Variants in NOL11 observed in about 807,000 individuals in gnomAD.
NOL11 encodes the protein nucleolar protein 11.
In NOL11, 42 loss-of-function variants were observed where a neutral mutation model predicts 93.0. That is an observed-to-expected ratio of 0.45 (90% confidence interval 0.35 to 0.58). The LOEUF is 0.58. Among genes scored for constraint, NOL11 ranks in the 20% least tolerant of loss-of-function variants. The pLI, the probability that NOL11 is intolerant of heterozygous loss-of-function variation, is 0.00. For synonymous variants in NOL11, 296 were observed against 293.7 expected, an observed-to-expected ratio of 1.01 and a Z score of -0.08; for missense variants, 775 against 841.8, an observed-to-expected ratio of 0.92 and a Z score of 0.98.
intron 7 of NOL11, chr17:67,726,872 T>TA: frequency 2.6e-6 from 1 of 386,404 alleles, no homozygotes; most frequent in Non-Finnish European, 4.6e-6. Flanking sequence ...ACCATGCTCA[T>TA]AACTATGTCA....
chr17:67,732,447 C>A (rs558286605), intron 7 of NOL11, among the ~76,000 whole-genome samples: 1 of 145,060 alleles, frequency 6.9e-6, no homozygotes, highest in African/African-American at 2.6e-5. Flanking sequence ...GCCAAGATCA[C>A]ACCACTGCAC....
intron 3 of NOL11, 73 bp from the exon 4 acceptor site, chr17:67,721,305 C>A: frequency 1.1e-6 from 1 of 913,108 alleles, no homozygotes; most frequent in Non-Finnish European, 1.6e-6. Flanking sequence ...TAAAAAGAAG[C>A]CTTCTCTAAA....
intron 5 of NOL11, among the ~76,000 whole-genome samples, 181 bp downstream of exon 5, chr17:67,722,818 C>T (rs999041): frequency 0.78 from 119,157 of 151,902 alleles, 47,765 homozygotes; most frequent in Non-Finnish European, 0.87. Context: ...CGAGTTGCCT[C>T]GTAGCTGGGA....
intron 7 of NOL11, among the ~76,000 whole-genome samples, chr17:67,729,846 C>T (rs746733257): frequency 2.2e-4 from 34 of 151,420 alleles, no homozygotes; most frequent in Non-Finnish European, 3.7e-4. Flanking sequence ...CCCAAAGTGC[C>T]GGGATTACAG....
chr17:67,742,444 C>G (rs1417519807), intron 16 of NOL11, among the ~76,000 whole-genome samples: 1 of 152,274 alleles, frequency 6.6e-6, no homozygotes, highest in African/African-American at 2.4e-5. Context: ...CTTTTTCTAT[C>G]AAATGCATTG....
chr17:67,719,877 A>G, intron 2 of NOL11, 29 bp from the exon 3 acceptor site: 1 of 1,536,196 alleles, frequency 6.5e-7, no homozygotes, highest in South Asian at 1.2e-5. Flanking sequence ...AGAATAGGAT[A>G]GTTTTTAACT....
At chr17:67,736,802 C>T in intron 10 of NOL11, 48 bp downstream of exon 10, 1 of 1,244,270 alleles carries the variant, frequency 8.0e-7, no homozygotes, top group Non-Finnish European at 1.2e-6. Flanking sequence ...TGTTGAAAAA[C>T]AGAAAAAGAC....
rs775972108 is a variant in NOL11 at position 67,737,920 on chromosome 17, T to C, written c.1477T>C (p.Phe493Leu). ...GTTGTTACAACTCTGTCTACAGCAG[T>C]TCCCTGACATTCCTGAATCAGTCAC... The part of the protein sequence containing the change: ...VQLLQLCLQQ[F>L]PDIPESVTCA... The change falls in exon 13 of 18, where the codon TTC becomes CTC. Residue 493 changes from phenylalanine (F) to leucine (L), a missense_variant. Coordinates refer to ENST00000253247, the MANE Select transcript of NOL11 (RefSeq NM_015462.5). The C allele has an allele frequency of 2.5e-6, 4 of 1,613,470 alleles. No individual in the cohort carries two copies. Among genetic ancestry groups the C allele is most frequent in the Non-Finnish European group, 3.4e-6 (4 of 1,179,836 alleles).
At chr17:67,724,302 C>A in intron 6 of NOL11, 109 bp downstream of exon 6, 5 of 528,766 alleles carry the variant, frequency 9.5e-6, no homozygotes, top group Non-Finnish European at 1.6e-5. Flanking sequence ...ACAGCCATTT[C>A]TGTGCTTCTT....
chr17:67,737,659 T>G lies in NOL11; in HGVS notation c.1370T>G (p.Met457Arg), dbSNP rs779758236. The change falls in exon 12 of 18, where the codon ATG (methionine) becomes AGG (arginine). Residue 457 changes from methionine to arginine, a missense_variant. By Grantham distance (91) the Met-to-Arg change is moderately conservative (BLOSUM62 -1). This residue lies in a region of NOL11 where 416 missense variants were observed against 525.2 expected (regional missense o/e 0.79). Transcript: ENST00000253247. Reference sequence around the variant, plus strand: ...TCATTTTATCCCCGGAACTGTCTGATGCAGCTTATCCAAACGCATGTGCTT... The same window carrying G: ...TCATTTTATCCCCGGAACTGTCTGAGGCAGCTTATCCAAACGCATGTGCTT... ...EPSFYPRNCL[M>R]QLIQTHVLSY... 3 of 1,613,896 alleles carry G rather than the reference T, an allele frequency of 1.9e-6. No individual in the cohort carries two copies. Among genetic ancestry groups the G allele is most frequent in the Non-Finnish European group, 2.5e-6 (3 of 1,179,968 alleles).
chr17:67,730,125 A>G (rs2055138492), intron 7 of NOL11, among the ~76,000 whole-genome samples: 1 of 152,154 alleles, frequency 6.6e-6, no homozygotes, highest in South Asian at 2.1e-4. Context: ...TCCATTGTAT[A>G]TATATAACAG....
chr17:67,723,805 C>T (rs1281964931), intron 5 of NOL11, among the ~76,000 whole-genome samples: 8 of 151,450 alleles, frequency 5.3e-5, no homozygotes, highest in Admixed American at 5.3e-4. Context: ...ATTTGGGAGG[C>T]CGAGGTGGGA....
intron 6 of NOL11, among the ~76,000 whole-genome samples, chr17:67,725,291 G>T (rs535996926): frequency 6.6e-6 from 1 of 152,048 alleles, no homozygotes; most frequent in Admixed American, 6.6e-5. Context: ...GGCAAAAGGA[G>T]ACTAACAGCA....
In NOL11 at chr17:67,743,933, G is replaced by A. The variant is rs577658548; in HGVS notation, c.*74G>A. The A allele has an allele frequency of 1.4e-5, 11 of 782,958 alleles. No homozygotes were observed. The highest frequency in any genetic ancestry group is 5.0e-5 in the South Asian group (3 of 59,648). 48.5% of individuals were successfully genotyped at this position (782,958 alleles called of 1,614,324 possible). On this transcript the variant is annotated 3_prime_UTR_variant, in exon 18 of 18. Coordinates refer to ENST00000253247, the MANE Select transcript of NOL11 (RefSeq NM_015462.5). ...ACTCTTGCTTCATCCAGGCAAGAAC[G>A]GTGTTTTGTTTGCGACCATCTCAGT...
At chr17:67,725,661 A>G (rs112662741) in intron 6 of NOL11, among the ~76,000 whole-genome samples, 33 of 152,322 alleles carry the variant, frequency 2.2e-4, no homozygotes, top group African/African-American at 7.9e-4. Flanking sequence ...GAAGTGAGGA[A>G]GTGTGCACCA....
intron 7 of NOL11, among the ~76,000 whole-genome samples, chr17:67,728,304 G>A (rs2055118634): frequency 6.6e-6 from 1 of 152,086 alleles, no homozygotes; most frequent in Non-Finnish European, 1.5e-5. Flanking sequence ...CATGTGCCTG[G>A]CACTTTACTA....
chr17:67,729,211 C>A (rs1381140998), intron 7 of NOL11, among the ~76,000 whole-genome samples: 1 of 152,058 alleles, frequency 6.6e-6, no homozygotes, highest in Non-Finnish European at 1.5e-5. Context: ...TCTCCTGCCT[C>A]AGGCTCCCAA....
intron 5 of NOL11, 70 bp downstream of exon 5, chr17:67,722,707 C>T (rs2043227541): frequency 3.3e-6 from 5 of 1,501,806 alleles, no homozygotes; most frequent in Non-Finnish European, 4.4e-6. Flanking sequence ...TATTTAGAGA[C>T]AGGGTGTTGC....
At chr17:67,724,524 G>C (rs1283377854) in intron 6 of NOL11, among the ~76,000 whole-genome samples, 1 of 151,948 alleles carries the variant, frequency 6.6e-6, no homozygotes, top group Admixed American at 6.6e-5. Flanking sequence ...AGTAGAGACG[G>C]TTTCGCCATG....
Sources: gnomAD v4.1 joint callset for allele counts (sites outside exome capture counted in the v4.1 genomes callset) on GRCh38, gnomAD v4.1.1 for gene constraint, gnomAD v4.1.1 regional missense constraint, MANE v1.5 for transcripts, NCBI Gene and HGNC (gene_info 2026-07-23, HGNC 2026-07-21) for gene names.